MEIOB: variants seen among roughly 807,000 people sequenced by gnomAD.
The protein encoded by MEIOB is meiosis-specific with OB domain-containing protein.
Under a neutral mutation model 53.1 loss-of-function variants are expected in MEIOB, and 50 were observed. That is an observed-to-expected ratio of 0.94 (90% confidence interval 0.75 to 1.19). The LOEUF is 1.19. Among genes scored for constraint, MEIOB ranks in the 50% most tolerant of loss-of-function variants. MEIOB has a pLI of 0.00. For synonymous variants in MEIOB, 192 were observed against 182.5 expected, an observed-to-expected ratio of 1.05 and a Z score of -0.42; for missense variants, 551 against 550.8, an observed-to-expected ratio of 1.00 and a Z score of 0.00.
Position 1,865,664 on chromosome 16 carries a change from A to G in MEIOB, c.127+114T>C, listed in dbSNP as rs1263032414. On this transcript the variant is annotated intron_variant, in intron 3 of 13. Transcript: ENST00000325962. ...TGACCATCCAATAGAGAGCATGACC[A>G]TTGCTCTTAAGGAGTTAAACAGGCA... 19 of 711,240 alleles carry G rather than the reference A, an allele frequency of 2.7e-5. No homozygotes were observed. In the South Asian group the frequency reaches 3.4e-4, roughly 13 times the overall value. 44.1% of individuals were successfully genotyped at this position (711,240 alleles called of 1,614,324 possible).
chr16:1,840,242 AAATG>A (rs972895935), intron 11 of MEIOB: 1 of 152,206 alleles, frequency 6.6e-6, no homozygotes, highest in Non-Finnish European at 1.5e-5. Context: ...ATTTTTCAAA[AAATG>A]AATACAAGGC....
chr16:1,843,697 C>CAAAAAAAAAAAA (rs761686980), intron 10 of MEIOB: 1 of 90,892 alleles, frequency 1.1e-5, no homozygotes, highest in African/African-American at 3.9e-5. Context: ...GACTCCATCT[C>CAAAAAAAAAAAA]AAAAAAAAAA....
At chr16:1,849,633 G>A (rs1899112779) in intron 9 of MEIOB, among the ~76,000 whole-genome samples, 2 of 151,096 alleles carry the variant, frequency 1.3e-5, no homozygotes, top group Admixed American at 6.6e-5. Flanking sequence ...CTGCATGTTC[G>A]GCACATGTAT....
chr16:1,862,146 A>T, intron 3 of MEIOB, 30 bp from the exon 4 acceptor site: 1 of 1,534,350 alleles, frequency 6.5e-7, no homozygotes, highest in Non-Finnish European at 8.8e-7. Context: ...TTTATTTTTC[A>T]AATGAAGAGT....
At chr16:1,863,016 GC>G (rs1245166592) in intron 3 of MEIOB, among the ~76,000 whole-genome samples, 4 of 151,528 alleles carry the variant, frequency 2.6e-5, no homozygotes, top group African/African-American at 7.3e-5. Context: ...ATCACTTGAG[GC>G]CTGGAGTTCA....
chr16:1,841,938 AT>A lies in MEIOB; in HGVS notation c.915del (p.Gln305HisfsTer2). Reference sequence around the variant, plus strand: ...TCATTCTTCAAAGCTTTTCCCTTTAATTGTTCAACTGTGTAGACATCAACTA... The same window carrying A: ...TCATTCTTCAAAGCTTTTCCCTTTAATGTTCAACTGTGTAGACATCAACTA... ...STIVDVYTVEQLKGKALKNEG... is the reference protein window; with the variant it reads ...STIVDVYTVEXLKGKALKNEG... On this transcript the variant is annotated frameshift_variant, in exon 11 of 14. Transcript: ENST00000325962. LOFTEE classifies it high-confidence loss of function. 6 of 1,608,160 alleles carry A rather than the reference AT, an allele frequency of 3.7e-6. No homozygotes were observed. Among genetic ancestry groups the A allele is most frequent in the Non-Finnish European group, 4.2e-6 (5 of 1,177,216 alleles).
At position 1,844,068 on chromosome 16, in the gene MEIOB, A is replaced by G. The variant is rs538082876; in HGVS notation, c.880+794T>C. 2.0e-5 allele frequency among the ~76,000 whole-genome samples: 3 copies of G among 152,000 alleles called. No individual in the cohort carries two copies. In the East Asian group the frequency reaches 5.8e-4, roughly 29 times the overall value. ...TATATGCACAAAAAGATAGATTAAAAGATGTTAACCAAATAACTATTTGGG... is the reference window on the plus strand; with the variant it reads ...TATATGCACAAAAAGATAGATTAAAGGATGTTAACCAAATAACTATTTGGG... On this transcript the variant is annotated intron_variant, in intron 10 of 13. Coordinates refer to ENST00000325962, the MANE Select transcript of MEIOB (RefSeq NM_001163560.3).
intron 3 of MEIOB, among the ~76,000 whole-genome samples, chr16:1,865,445 GA>G (rs1899564692): frequency 1.6e-5 from 2 of 125,678 alleles, no homozygotes; most frequent in African/African-American, 5.7e-5. Context: ...AAAAAAAAGA[GA>G]GAACACATGT....
chr16:1,837,913 C>A, intron 12 of MEIOB, 43 bp from the exon 13 acceptor site: 1 of 1,451,518 alleles, frequency 6.9e-7, no homozygotes, highest in South Asian at 1.4e-5. Context: ...TTGAAGTTTA[C>A]AAAGAAAATT....
chr16:1,839,003 T>A (rs113524865), intron 12 of MEIOB, among the ~76,000 whole-genome samples: 26 of 152,326 alleles, frequency 1.7e-4, no homozygotes, highest in African/African-American at 6.0e-4. Context: ...TAAAACATCA[T>A]GTTTATTTAT....
At chr16:1,845,177 A>G (rs1899000469) in intron 9 of MEIOB, among the ~76,000 whole-genome samples, 1 of 152,238 alleles carries the variant, frequency 6.6e-6, no homozygotes, top group East Asian at 1.9e-4. Flanking sequence ...TAGTGAAAAG[A>G]GCAGCTTACT....
chr16:1,835,342 A>C (rs1046235583), intron 13 of MEIOB, among the ~76,000 whole-genome samples: 4 of 152,168 alleles, frequency 2.6e-5, no homozygotes, highest in African/African-American at 9.6e-5. Context: ...TTTAAGCTGT[A>C]GCAGGGACTC....
Position 1,868,140 on chromosome 16 carries a change from G to C in MEIOB, c.36C>G (p.Thr12=), listed in dbSNP as rs370031143. 2 of 1,533,530 alleles carry C rather than the reference G, an allele frequency of 1.3e-6. No homozygotes were observed. Among genetic ancestry groups the C allele is most frequent in the African/African-American group, 2.7e-5 (2 of 72,750 alleles). The allele number at this position is 1,533,530 out of a possible 1,614,324, so 95.0% of individuals were successfully genotyped here. ...ANSFAARIFT[T]LSDLQTNMAN... ...CCATATTTGTCTGCAGATCTGAAAGGGTAGTGAAAATCCTCGCTGCAAAGG... is the reference window on the plus strand; with the variant it reads ...CCATATTTGTCTGCAGATCTGAAAGCGTAGTGAAAATCCTCGCTGCAAAGG... Residue 12 remains threonine, a synonymous_variant, in exon 2 of 14, where the codon ACC becomes ACG. Transcript: ENST00000325962.
chr16:1,859,120 T>C (rs868787211), intron 5 of MEIOB, among the ~76,000 whole-genome samples: 1 of 152,194 alleles, frequency 6.6e-6, no homozygotes, highest in South Asian at 2.1e-4. Flanking sequence ...AATTGACCAT[T>C]AGCGCTACCA....
At chr16:1,858,129 T>C (rs1899355204) in intron 5 of MEIOB, among the ~76,000 whole-genome samples, 199 bp from the exon 6 acceptor site, 2 of 152,220 alleles carry the variant, frequency 1.3e-5, no homozygotes, top group African/African-American at 2.4e-5. Context: ...GTTTTGAGAA[T>C]TGATTCGTGT....
At position 1,839,104 on chromosome 16, in the gene MEIOB, C is replaced by G. The variant is rs1484409382; in HGVS notation, c.1218+151G>C. 16 of 833,860 alleles carry G rather than the reference C, an allele frequency of 1.9e-5. No homozygotes were observed. The South Asian group carries it at 3.4e-4, about 18-fold the overall frequency. 51.7% of individuals were successfully genotyped at this position (833,860 alleles called of 1,614,324 possible). A position where few individuals can be genotyped will look rare whatever the true frequency, so the allele number is the denominator to read the frequency against. On this transcript the variant is annotated intron_variant, in intron 12 of 13. Transcript: ENST00000325962. ...AATATGTAACATTTGTTCATCAAAG[C>G]AATGTGTGTTTAAAGCAAGATGATT...
intron 13 of MEIOB, among the ~76,000 whole-genome samples, chr16:1,836,108 T>C (rs1898738018): frequency 6.6e-6 from 1 of 152,112 alleles, no homozygotes; most frequent in Admixed American, 6.6e-5. Flanking sequence ...ATCCTTCTTC[T>C]CCCCTATATC....
intron 6 of MEIOB, among the ~76,000 whole-genome samples, chr16:1,856,707 G>A (rs571402022): frequency 2.7e-4 from 40 of 147,558 alleles, no homozygotes; most frequent in South Asian, 1.3e-3. Flanking sequence ...TGATCCACCC[G>A]CCTCAGCCTC....
rs541414648 is a variant in MEIOB, at chr16:1,844,241, G to A, written c.880+621C>T. On this transcript the variant is annotated intron_variant, in intron 10 of 13. Coordinates refer to ENST00000325962, the MANE Select transcript of MEIOB (RefSeq NM_001163560.3). ...GGGTTCAAGCAATTCTCCTGCCTCAGCCTCCTGAGTATCTGGGATTACAGG... is the reference window on the plus strand; with the variant it reads ...GGGTTCAAGCAATTCTCCTGCCTCAACCTCCTGAGTATCTGGGATTACAGG... 4.6e-5 allele frequency among the ~76,000 whole-genome samples: 7 copies of A among 150,892 alleles called. No homozygotes were observed. In the South Asian group the frequency reaches 1.3e-3, roughly 27 times the overall value.
Sources: gnomAD v4.1 joint callset for allele counts (sites outside exome capture counted in the v4.1 genomes callset) on GRCh38, gnomAD v4.1.1 for gene constraint, MANE v1.5 for transcripts, NCBI Gene and HGNC (gene_info 2026-07-23, HGNC 2026-07-21) for gene names.